The following DENND4B variants were observed in gnomAD, a reference collection of about 807,000 sequenced individuals.
The protein encoded by DENND4B is DENN domain-containing protein 4B.
Under a neutral mutation model 161.0 loss-of-function variants are expected in DENND4B, and 67 were observed. That is an observed-to-expected ratio of 0.42 (90% CI 0.34 to 0.51). The LOEUF (loss-of-function observed/expected upper bound fraction) is 0.51. Ranked by LOEUF, DENND4B falls within the 20% of genes least tolerant of loss-of-function variation. The pLI is 0.08. For synonymous variants in DENND4B, 753 were observed against 813.8 expected (o/e 0.93, Z 1.27); for missense variants, 1,481 against 1,968.0 (o/e 0.75, Z 4.68).
intron 8 of DENND4B, 45 bp downstream of exon 8, chr1:153,941,186 G>A: frequency 1.9e-6 from 3 of 1,609,558 alleles, no homozygotes; most frequent in Non-Finnish European, 2.5e-6. Context: ...CACCTACCAT[G>A]TCCTTGGTCA....
At position 153,944,779 on chromosome 1, in the gene DENND4B, C is replaced by T. The variant is rs1377777677; in HGVS notation, c.-23-382G>A. ...CATGCTGGCCATGACATCATACCAA[C>T]CTTACAGTCTTTTCAAGGGTTTCTG... On this transcript the variant is annotated intron_variant, in intron 1 of 27. Coordinates refer to ENST00000361217, the MANE Select transcript of DENND4B (RefSeq NM_014856.3). The surrounding 1 kb of genome is among the most constrained non-coding windows in gnomAD (Gnocchi z 4.8). Among the ~76,000 whole-genome samples, 7 of 152,156 alleles carry T rather than the reference C, an allele frequency of 4.6e-5. No individual in the cohort carries two copies. The highest frequency in any genetic ancestry group is 1.0e-4 in the Non-Finnish European group (7 of 68,026).
Position 153,940,615 on chromosome 1 carries a change from C to G in DENND4B, c.1327-9G>C. The G allele has an allele frequency of 6.2e-7, 1 of 1,610,160 alleles. No individual in the cohort carries two copies. Among genetic ancestry groups the G allele is most frequent in the East Asian group, 2.2e-5 (1 of 44,760 alleles). ...TGCAGTGGGAAGATCATCTGAAGCA[C>G]CAGGCAGTGAGAACCAGTGAACAGG... On this transcript the variant is annotated splice_polypyrimidine_tract_variant and intron_variant, in intron 9 of 27. Transcript: ENST00000361217. The surrounding 1 kb of genome is among the most constrained non-coding windows in gnomAD (Gnocchi z 5.6).
At position 153,934,601 on chromosome 1, in the gene DENND4B, C is replaced by G; in HGVS notation, c.2773+159G>C. 3 of 1,322,498 alleles carry G rather than the reference C, an allele frequency of 2.3e-6. No individual in the cohort carries two copies. Among genetic ancestry groups the G allele is most frequent in the Non-Finnish European group, 3.0e-6 (3 of 985,380 alleles). 81.9% of individuals were successfully genotyped at this position (1,322,498 alleles called of 1,614,324 possible). A position where few individuals can be genotyped will look rare whatever the true frequency, so the allele number is the denominator to read the frequency against. On this transcript the variant is annotated intron_variant, in intron 18 of 27. Coordinates refer to ENST00000361217, the MANE Select transcript of DENND4B (RefSeq NM_014856.3). The surrounding 1 kb of genome is among the most constrained non-coding windows in gnomAD (Gnocchi z 5.3). Reference sequence around the variant, plus strand: ...GGACTACAGGTGCGCGCCACCACGCCCAGCTAATTTTTTTATCCCTTTTGT... The same window carrying G: ...GGACTACAGGTGCGCGCCACCACGCGCAGCTAATTTTTTTATCCCTTTTGT...
Position 153,937,447 on chromosome 1 carries a change from G to GT in DENND4B, c.2232+40_2232+41insA. On this transcript the variant is annotated intron_variant, in intron 15 of 27. Transcript: ENST00000361217. The surrounding 1 kb of genome is among the most constrained non-coding windows in gnomAD (Gnocchi z 4.7). ...GAAACTGAAGCAGCAGCAGCCTTCAGCCTGATCCGGGTCCCTCAGTGCGGT... is the reference window on the plus strand; with the variant it reads ...GAAACTGAAGCAGCAGCAGCCTTCAGTCCTGATCCGGGTCCCTCAGTGCGGT... 6.7e-7 allele frequency: 1 copy of GT among 1,484,842 alleles called. No individual in the cohort carries two copies. Among genetic ancestry groups the GT allele is most frequent in the Non-Finnish European group, 9.0e-7 (1 of 1,114,336 alleles). 92.0% of individuals were successfully genotyped at this position (1,484,842 alleles called of 1,614,324 possible). A position where few individuals can be genotyped will look rare whatever the true frequency, so the allele number is the denominator to read the frequency against.
At chr1:153,941,135 C>T (rs987194503) in intron 8 of DENND4B, 87 bp from the exon 9 acceptor site, 1 of 1,572,014 alleles carries the variant, frequency 6.4e-7, no homozygotes, top group Non-Finnish European at 8.6e-7. Context: ...CCACCTGGAC[C>T]CAGCCTGCAT....
Position 153,933,135 on chromosome 1 carries a change from G to T in DENND4B, c.3453+62C>A, listed in dbSNP as rs1458211837. Reference sequence around the variant, plus strand: ...CCACCTCCTCCCCATCTCCTGCCTTGGACAGGGTGAGTGTGTGCTATGTGT... The same window carrying T: ...CCACCTCCTCCCCATCTCCTGCCTTTGACAGGGTGAGTGTGTGCTATGTGT... On this transcript the variant is annotated intron_variant, in intron 21 of 27. Coordinates refer to ENST00000361217, the MANE Select transcript of DENND4B (RefSeq NM_014856.3). This position sits in a 1 kb window ranked among gnomAD's most constrained non-coding sequence, Gnocchi z 5.7. The T allele has an allele frequency of 1.9e-6, 3 of 1,611,384 alleles. No individual in the cohort carries two copies. In the African/African-American group the frequency reaches 4.0e-5, roughly 22 times the overall value.
chr1:153,941,181 A>G, intron 8 of DENND4B, 50 bp downstream of exon 8: 1 of 1,607,846 alleles, frequency 6.2e-7, no homozygotes, highest in South Asian at 1.1e-5. Flanking sequence ...CCCAGCACCT[A>G]CCATGTCCTT....
intron 8 of DENND4B, 73 bp from the exon 9 acceptor site, chr1:153,941,121 G>A (rs955509048): frequency 1.3e-6 from 2 of 1,564,960 alleles, no homozygotes; most frequent in South Asian, 2.3e-5. Flanking sequence ...GCCAGGCACA[G>A]CCACCACCTG....
At position 153,934,214 on chromosome 1, in the gene DENND4B, G is replaced by A; in HGVS notation, c.2862C>T (p.Pro954=). Reference sequence around the variant, plus strand: ...TACCACTCTTCACCAGGCGTCCAGGGGGTGAGGCTGGGTCTCTCAGACTTC... The same window carrying A: ...TACCACTCTTCACCAGGCGTCCAGGAGGTGAGGCTGGGTCTCTCAGACTTC... ...AGRSLRDPAS[P]PGRLVKSGSL... Residue 954 remains proline, a synonymous_variant, in exon 19 of 28, where the codon CCC becomes CCT. Transcript: ENST00000361217. The surrounding 1 kb of genome is among the most constrained non-coding windows in gnomAD (Gnocchi z 5.3). 6.2e-7 allele frequency: 1 copy of A among 1,605,452 alleles called. No individual in the cohort carries two copies. Among genetic ancestry groups the A allele is most frequent in the Non-Finnish European group, 8.5e-7 (1 of 1,176,636 alleles).
At chr1:153,931,196 C>G (rs1194561708) in intron 24 of DENND4B, 132 bp from the exon 25 acceptor site, 8 of 718,332 alleles carry the variant, frequency 1.1e-5, no homozygotes, top group Non-Finnish European at 1.6e-5. Context: ...GAAAGGAATT[C>G]TTATCCCCCA....
At position 153,930,241 on chromosome 1, in the gene DENND4B, A is replaced by G. The variant is rs1053578102; in HGVS notation, c.*56T>C. ...GGCAACAGGGAAGCAGTTTAACTCTAGAATCCCTTCTTCCTCACTTCCCCA... is the reference window on the plus strand; with the variant it reads ...GGCAACAGGGAAGCAGTTTAACTCTGGAATCCCTTCTTCCTCACTTCCCCA... On this transcript the variant is annotated 3_prime_UTR_variant, in exon 28 of 28. Transcript: ENST00000361217. The surrounding 1 kb of genome is among the most constrained non-coding windows in gnomAD (Gnocchi z 4.7). The G allele has an allele frequency of 1.3e-6, 2 of 1,572,440 alleles. No individual in the cohort carries two copies. The highest frequency in any genetic ancestry group is 1.7e-6 in the Non-Finnish European group (2 of 1,155,364).
Position 153,941,289 on chromosome 1 carries a change from T to C in DENND4B, c.1123A>G (p.Met375Val). The C allele has an allele frequency of 6.2e-7, 1 of 1,613,756 alleles. No homozygotes were observed. Among genetic ancestry groups the C allele is most frequent in the Non-Finnish European group, 8.5e-7 (1 of 1,179,824 alleles). The change falls in exon 8 of 28, where the codon ATG becomes GTG. Residue 375 changes from methionine to valine, a missense_variant and splice_region_variant. By Grantham distance (21) the Met-to-Val change is conservative. Coordinates refer to ENST00000361217, the MANE Select transcript of DENND4B (RefSeq NM_014856.3). ...SPQRPRILVQ[M>V]SPYDNLLLCQ... Reference sequence around the variant, plus strand: ...AGGAGCAAGTTGTCATAGGGAGACATCTGGAAGGGAAGAAGAGCCACGGCT... The same window carrying C: ...AGGAGCAAGTTGTCATAGGGAGACACCTGGAAGGGAAGAAGAGCCACGGCT...
At chr1:153,939,845 T>G (rs755318604) in intron 11 of DENND4B, 41 bp from the exon 12 acceptor site, 17 of 1,593,574 alleles carry the variant, frequency 1.1e-5, no homozygotes, top group Admixed American at 1.7e-5. Flanking sequence ...CTGGCTCCCA[T>G]AGTGTTACCC....
chr1:153,932,326 C>T lies in DENND4B; in HGVS notation c.3874G>A (p.Glu1292Lys), dbSNP rs1271977199. 3.1e-6 allele frequency: 5 copies of T among 1,613,818 alleles called. No individual in the cohort carries two copies. Among genetic ancestry groups the T allele is most frequent in the Non-Finnish European group, 4.2e-6 (5 of 1,179,860 alleles). ...ATGATGGGGTGGGCAGAGGGCAGTT[C>T]AGGCAACGCCAGCACCTCACTGCCC... is the stretch of plus-strand genomic sequence containing the variant. Reference protein sequence around the residue: ...NEGSEVLALPELPSAHPIIFW... With the variant: ...NEGSEVLALPKLPSAHPIIFW... The change falls in exon 24 of 28, where the codon GAA becomes AAA. Residue 1292 changes from glutamate to lysine, a missense_variant. Coordinates refer to ENST00000361217, the MANE Select transcript of DENND4B (RefSeq NM_014856.3). The surrounding 1 kb of genome is among the most constrained non-coding windows in gnomAD (Gnocchi z 5.8).
chr1:153,930,930 C>T lies in DENND4B; in HGVS notation c.4114+17G>A. On this transcript the variant is annotated intron_variant, in intron 25 of 27. Transcript: ENST00000361217. The surrounding 1 kb of genome is among the most constrained non-coding windows in gnomAD (Gnocchi z 4.7). Reference sequence around the variant, plus strand: ...ATGGGACCCACCCTCCCCACCCAGGCCAAATACCAGACTCACTGTGGACCC... The same window carrying T: ...ATGGGACCCACCCTCCCCACCCAGGTCAAATACCAGACTCACTGTGGACCC... The T allele has an allele frequency of 6.3e-7, 1 of 1,598,512 alleles. No individual in the cohort carries two copies. The highest frequency in any genetic ancestry group is 8.5e-7 in the Non-Finnish European group (1 of 1,170,810).
At chr1:153,939,914 T>A in intron 11 of DENND4B, 110 bp from the exon 12 acceptor site, 1 of 1,093,988 alleles carries the variant, frequency 9.1e-7, no homozygotes, top group Non-Finnish European at 1.3e-6. Context: ...CTTGCACCAG[T>A]AGCAACTAAA....
Position 153,937,987 on chromosome 1 carries a change from T to C in DENND4B, c.1966-124A>G, listed in dbSNP as rs1679443467. ...AGGAAAGAGACACAGCCTGGGAAGA[T>C]GGCGTCAGGAACGGGAGGACAGTAC... is the stretch of plus-strand genomic sequence containing the variant. On this transcript the variant is annotated intron_variant, in intron 13 of 27. Transcript: ENST00000361217. The surrounding 1 kb of genome is among the most constrained non-coding windows in gnomAD (Gnocchi z 4.7). 7.1e-7 allele frequency: 1 copy of C among 1,408,642 alleles called. No homozygotes were observed. The highest frequency in any genetic ancestry group is 9.8e-7 in the Non-Finnish European group (1 of 1,023,444). The allele number at this position is 1,408,642 out of a possible 1,614,324, so 87.3% of individuals were successfully genotyped here.
At chr1:153,938,027 G>T (rs2102043147) in intron 13 of DENND4B, among the ~76,000 whole-genome samples, 164 bp from the exon 14 acceptor site, 1 of 152,322 alleles carries the variant, frequency 6.6e-6, no homozygotes, top group East Asian at 1.9e-4. Context: ...CATGTACGGG[G>T]CCAGCTGTGT....
chr1:153,938,897 T>G lies in DENND4B; in HGVS notation c.1965+3A>C. ...CAATGAGCACATAGAGAAGGGATGA[T>G]ACCTTTTCAACACAAGAGTCAAAGA... On this transcript the variant is annotated splice_donor_region_variant and intron_variant, in intron 13 of 27. Coordinates refer to ENST00000361217, the MANE Select transcript of DENND4B (RefSeq NM_014856.3). The G allele has an allele frequency of 1.3e-6, 2 of 1,579,822 alleles. No homozygotes were observed. The highest frequency in any genetic ancestry group is 1.7e-6 in the Non-Finnish European group (2 of 1,162,742).
Sources: allele counts gnomAD v4.1 joint callset (sites outside exome capture counted in the v4.1 genomes callset), GRCh38; gene constraint gnomAD v4.1.1; non-coding constraint Gnocchi (gnomAD v3.1); transcripts MANE v1.5; gene names NCBI Gene and HGNC (gene_info 2026-07-23, HGNC 2026-07-21).